FAM135B: variants seen among roughly 807,000 people sequenced by gnomAD.
FAM135B encodes protein FAM135B.
FAM135B carries 43 observed loss-of-function variants against 127.7 expected under a neutral mutation model. That is an observed-to-expected ratio of 0.34 (90% CI 0.26 to 0.43). FAM135B has a LOEUF of 0.43. Among genes scored for constraint, FAM135B ranks in the 20% least tolerant of loss-of-function variants. FAM135B has a pLI of 1.00. For missense variants in FAM135B, 1,558 were observed against 1,725.6 expected (o/e 0.90, Z 1.72); for synonymous variants, 670 against 665.1 (o/e 1.01, Z -0.11).
At position 138,348,610 on chromosome 8, in the gene FAM135B, A is replaced by ACTGCC. The variant is rs1386065580; in HGVS notation, c.77+19296_77+19297insGGCAG. On this transcript the variant is annotated intron_variant, in intron 2 of 19. Coordinates refer to ENST00000395297, the MANE Select transcript of FAM135B (RefSeq NM_015912.4). ...ATTAACACATCTTCTTCTGGTAAGG[A>ACTGCC]CACTAATGACTGCCCACAACAACCC... 2.0e-5 allele frequency among the ~76,000 whole-genome samples: 3 copies of ACTGCC among 152,218 alleles called. No homozygotes were observed. The East Asian group carries it at 5.8e-4, about 29-fold the overall frequency.
chr8:138,405,103 C>T (rs543736458), intron 1 of FAM135B, among the ~76,000 whole-genome samples: 12 of 152,106 alleles, frequency 7.9e-5, no homozygotes, highest in African/African-American at 1.9e-4. Context: ...CCCTGATCCA[C>T]GGGTTTCAGA....
At chr8:138,449,470 G>C (rs1287321126) in intron 1 of FAM135B, among the ~76,000 whole-genome samples, 1 of 152,048 alleles carries the variant, frequency 6.6e-6, no homozygotes, top group Non-Finnish European at 1.5e-5. Context: ...GACGTGGGGA[G>C]GGGGGCAGTA....
chr8:138,240,572 G>C (rs530008214), intron 7 of FAM135B, among the ~76,000 whole-genome samples: 46 of 152,336 alleles, frequency 3.0e-4, no homozygotes, highest in African/African-American at 1.1e-3. Context: ...ATTGAGCACT[G>C]AGTATGGCAG....
chr8:138,316,234 C>T (rs773187967), intron 2 of FAM135B, among the ~76,000 whole-genome samples: 1 of 152,196 alleles, frequency 6.6e-6, no homozygotes, highest in Non-Finnish European at 1.5e-5. Flanking sequence ...AGGCCGGGCG[C>T]GGTGGCTCAC....
intron 1 of FAM135B, chr8:138,439,819 C>T (rs1309372485): frequency 6.6e-6 from 1 of 152,216 alleles, no homozygotes; most frequent in African/African-American, 2.4e-5. Flanking sequence ...GCAGAAAAGG[C>T]AGACCTGAAA....
At chr8:138,463,379 CA>C (rs1268580899) in intron 1 of FAM135B, among the ~76,000 whole-genome samples, 1 of 151,974 alleles carries the variant, frequency 6.6e-6, no homozygotes, top group African/African-American at 2.4e-5. Context: ...TCAAGGAACT[CA>C]AGAAGGGTGG....
intron 11 of FAM135B, among the ~76,000 whole-genome samples, chr8:138,175,349 A>G (rs1814353391): frequency 6.6e-6 from 1 of 151,072 alleles, no homozygotes; most frequent in African/African-American, 2.4e-5. Context: ...TTGTGTTTCC[A>G]TATCAGAATC....
At chr8:138,454,482 C>T (rs1307103632) in intron 1 of FAM135B, among the ~76,000 whole-genome samples, 1 of 152,178 alleles carries the variant, frequency 6.6e-6, no homozygotes, top group Non-Finnish European at 1.5e-5. Flanking sequence ...GAGAGTTTAG[C>T]TATCTGAACC....
chr8:138,218,766 C>CAGAGAGAGAGAG (rs34578685), intron 7 of FAM135B, among the ~76,000 whole-genome samples: 4 of 80,494 alleles, frequency 5.0e-5, no homozygotes. Flanking sequence ...CACACACACA[C>CAGAGAGAGAGAG]AGAGAGAGAG....
chr8:138,146,416 T>G (rs1161568234), intron 14 of FAM135B, among the ~76,000 whole-genome samples: 1 of 152,130 alleles, frequency 6.6e-6, no homozygotes, highest in African/African-American at 2.4e-5. Context: ...TGGGGCACAA[T>G]GCGACTCATA....
chr8:138,469,712 C>T (rs1837574129), intron 1 of FAM135B, among the ~76,000 whole-genome samples: 1 of 152,200 alleles, frequency 6.6e-6, no homozygotes, highest in African/African-American at 2.4e-5. Context: ...GAAGATACAA[C>T]TTCTCTGAAT....
intron 7 of FAM135B, among the ~76,000 whole-genome samples, chr8:138,232,934 A>G (rs1226682235): frequency 6.6e-6 from 1 of 152,212 alleles, no homozygotes; most frequent in Non-Finnish European, 1.5e-5. Context: ...CCCATTGAAC[A>G]GCAACCTCCC....
At chr8:138,299,499 A>G (rs1379209289) in intron 3 of FAM135B, among the ~76,000 whole-genome samples, 2 of 152,122 alleles carry the variant, frequency 1.3e-5, no homozygotes, top group Non-Finnish European at 2.9e-5. Context: ...TTGGCTGCCA[A>G]CGGCAGGCTA....
chr8:138,219,351 A>T (rs1013706159), intron 7 of FAM135B, among the ~76,000 whole-genome samples: 11 of 152,142 alleles, frequency 7.2e-5, no homozygotes. Context: ...CAATTCCTAG[A>T]TCTCCTGTAA....
chr8:138,246,160 A>G lies in FAM135B; in HGVS notation c.543-3092T>C, dbSNP rs541945566. 1.4e-4 allele frequency among the ~76,000 whole-genome samples: 21 copies of G among 152,310 alleles called. No individual in the cohort carries two copies. In the East Asian group the frequency reaches 3.9e-3, roughly 28 times the overall value. ...AAAAGTTTGGAAAATTTGCAGCCTG[A>G]TGATGCAATAAAAAAGAAAAATCCA... On this transcript the variant is annotated intron_variant, in intron 6 of 19. Transcript: ENST00000395297.
chr8:138,366,626 C>A (rs1237620928), intron 2 of FAM135B, among the ~76,000 whole-genome samples: 1 of 152,112 alleles, frequency 6.6e-6, no homozygotes, highest in Non-Finnish European at 1.5e-5. Flanking sequence ...AGGTCACCTG[C>A]CAAAACCACT....
intron 9 of FAM135B, among the ~76,000 whole-genome samples, chr8:138,186,470 A>G (rs1815590644): frequency 6.6e-6 from 1 of 152,122 alleles, no homozygotes; most frequent in Admixed American, 6.5e-5. Flanking sequence ...GGAGACCAGG[A>G]GCTGGCGATG....
intron 2 of FAM135B, among the ~76,000 whole-genome samples, chr8:138,317,617 G>A (rs1197194111): frequency 2.6e-5 from 4 of 152,232 alleles, no homozygotes; most frequent in Non-Finnish European, 5.9e-5. Context: ...AAAGGCATCT[G>A]TCCTGTTCAA....
intron 1 of FAM135B, among the ~76,000 whole-genome samples, chr8:138,473,364 C>T (rs982465153): frequency 6.6e-6 from 1 of 152,106 alleles, no homozygotes; most frequent in Admixed American, 6.6e-5. Flanking sequence ...CAGAATCAAG[C>T]CCAGCATCCT....
Sources: gnomAD v4.1 joint callset for allele counts (sites outside exome capture counted in the v4.1 genomes callset) on GRCh38, gnomAD v4.1.1 for gene constraint, MANE v1.5 for transcripts, NCBI Gene and HGNC (gene_info 2026-07-23, HGNC 2026-07-21) for gene names.